The following CMYA5 variants were observed in gnomAD, a reference collection of about 807,000 sequenced individuals.
CMYA5 encodes cardiomyopathy associated 5, also known as cardiomyopathy-associated protein 5.
Under a neutral mutation model 318.9 loss-of-function variants are expected in CMYA5, and 246 were observed. The observed-to-expected ratio is 0.77, with a 90% CI of 0.70 to 0.86. CMYA5 has a LOEUF of 0.86. CMYA5 is among the 40% of genes least tolerant of loss of function. The pLI is 0.00. For missense variants in CMYA5, 4,589 were observed against 4,678.2 expected (o/e 0.98, Z 0.56); for synonymous variants, 1,641 against 1,729.5 (o/e 0.95, Z 1.27).
chr5:79,700,588 G>GA (rs1827155298), intron 1 of CMYA5, among the ~76,000 whole-genome samples: 1 of 152,182 alleles, frequency 6.6e-6, no homozygotes, highest in Admixed American at 6.5e-5. Flanking sequence ...GATGTCCAGT[G>GA]AGCACATGAA....
At position 79,731,590 on chromosome 5, in the gene CMYA5, T is replaced by G. The variant is rs778349144; in HGVS notation, c.2825T>G (p.Ile942Ser). ...MNLSEEDQED[I>S]GPFSPDSAFV... is the part of the protein sequence containing the mutation. Reference sequence around the variant, plus strand: ...TTATCAGAAGAAGATCAAGAAGACATTGGACCTTTTTCTCCAGATTCTGCA... The same window carrying G: ...TTATCAGAAGAAGATCAAGAAGACAGTGGACCTTTTTCTCCAGATTCTGCA... The change falls in exon 2 of 13, where the codon ATT (isoleucine) becomes AGT (serine). Residue 942 changes from isoleucine to serine, a missense_variant. By Grantham distance (142) the Ile-to-Ser change is moderately radical. This residue lies in a region of CMYA5 where 2,132 missense variants were observed against 2,131.3 expected (regional missense o/e 1.00). Coordinates refer to ENST00000446378, the MANE Select transcript of CMYA5 (RefSeq NM_153610.5). The G allele has an allele frequency of 1.6e-4, 261 of 1,613,200 alleles. No homozygotes were observed. Among genetic ancestry groups the G allele is most frequent in the Non-Finnish European group, 2.1e-4 (247 of 1,179,612 alleles).
intron 9 of CMYA5, among the ~76,000 whole-genome samples, chr5:79,768,796 A>G (rs972238861): frequency 1.3e-5 from 2 of 152,070 alleles, no homozygotes; most frequent in East Asian, 1.9e-4. Context: ...CTCAAGGAGT[A>G]TCTTTGTGGT....
intron 8 of CMYA5, 91 bp downstream of exon 8, chr5:79,762,048 C>A: frequency 7.2e-7 from 1 of 1,389,378 alleles, no homozygotes; most frequent in African/African-American, 1.4e-5. Context: ...TATTAAGCAC[C>A]TATTGTGTGT....
At chr5:79,765,533 G>A (rs59020999) in intron 9 of CMYA5, among the ~76,000 whole-genome samples, 1 of 152,106 alleles carries the variant, frequency 6.6e-6, no homozygotes, top group Admixed American at 6.5e-5. Context: ...AAGAAAGTCA[G>A]TGGTAGCTTG....
intron 1 of CMYA5, among the ~76,000 whole-genome samples, chr5:79,692,363 C>A (rs1826984903): frequency 6.6e-6 from 1 of 152,276 alleles, no homozygotes; most frequent in South Asian, 2.1e-4. Flanking sequence ...GTAAACGTTC[C>A]TTTACCCTTT....
In CMYA5 at chr5:79,735,713, A is replaced by T; in HGVS notation, c.6948A>T (p.Glu2316Asp). The change falls in exon 2 of 13, where the codon GAA becomes GAT. Residue 2316 changes from glutamate (E) to aspartate (D), a missense_variant. Around this residue, in one of 3 missense-constraint regions of CMYA5, gnomAD observed 2,431 missense variants for 2,495.1 expected, o/e 0.97. Transcript: ENST00000446378. ...CTTCTGCTGATGGTGAGAACCTTGA[A>T]ATTCAATCTTATTCACTAATCGGTG... ...VVTSADGENL[E>D]IQSYSLIGEK... The T allele has an allele frequency of 6.3e-7, 1 of 1,599,470 alleles. No homozygotes were observed. Among genetic ancestry groups the T allele is most frequent in the Non-Finnish European group, 8.5e-7 (1 of 1,176,208 alleles).
intron 2 of CMYA5, 41 bp downstream of exon 2, chr5:79,739,444 T>C (rs1580778495): frequency 7.8e-7 from 1 of 1,286,338 alleles, no homozygotes; most frequent in South Asian, 2.0e-5. Context: ...AATATATATA[T>C]ACACATTTAA....
Position 79,736,607 on chromosome 5 carries a change from A to C in CMYA5, c.7842A>C (p.Ala2614=). The C allele has an allele frequency of 6.2e-7, 1 of 1,613,886 alleles. No homozygotes were observed. The highest frequency in any genetic ancestry group is 8.5e-7 in the Non-Finnish European group (1 of 1,179,824). ...ACCCAGAAATCAGAGAAGCAAAGGC[A>C]GTAGGAACCCAACCACATCCTTTAG... ...EAHPEIREAK[A]VGTQPHPLEE... Residue 2614 remains alanine, a synonymous_variant, in exon 2 of 13, where the codon GCA becomes GCC. Transcript: ENST00000446378.
chr5:79,799,454 C>G lies in CMYA5; in HGVS notation c.12048C>G (p.Asn4016Lys). ...PARVGILLDY[N>K]NQRLIFINAE... ...GAGTGGGCATCCTGCTGGACTACAA[C>G]AACCAGAGACTTATCTTCATCAACG... The change falls in exon 13 of 13, where the codon AAC becomes AAG. Residue 4016 changes from asparagine to lysine, a missense_variant. Physicochemically the swap from Asn to Lys is moderately conservative, Grantham distance 94. This residue lies in a region of CMYA5 where 2,431 missense variants were observed against 2,495.1 expected (regional missense o/e 0.97). Coordinates refer to ENST00000446378, the MANE Select transcript of CMYA5 (RefSeq NM_153610.5). 6.2e-7 allele frequency: 1 copy of G among 1,614,008 alleles called. No individual in the cohort carries two copies. Among genetic ancestry groups the G allele is most frequent in the Non-Finnish European group, 8.5e-7 (1 of 1,179,888 alleles).
chr5:79,738,903 C>T lies in CMYA5; in HGVS notation c.10138C>T (p.Pro3380Ser), dbSNP rs1828151008. The T allele has an allele frequency of 6.2e-7, 1 of 1,613,720 alleles. No homozygotes were observed. The highest frequency in any genetic ancestry group is 1.3e-5 in the African/African-American group (1 of 74,862). Residue 3380 changes from proline (P) to serine (S), a missense_variant, in exon 2 of 13, where the codon CCG becomes TCG. By Grantham distance (74) the Pro-to-Ser change is moderately conservative (BLOSUM62 -1). Coordinates refer to ENST00000446378, the MANE Select transcript of CMYA5 (RefSeq NM_153610.5). ...GAATGTCCCAGTACAAGTGTCCTTC[C>T]CGGAGGAAGAATTTGCATCTGGTGC... ...NLNVPVQVSF[P>S]EEEFASGATH...
chr5:79,730,626 G>A lies in CMYA5; in HGVS notation c.1861G>A (p.Val621Ile), dbSNP rs199956848. The A allele has an allele frequency of 5.0e-6, 8 of 1,613,904 alleles. No individual in the cohort carries two copies. The highest frequency in any genetic ancestry group is 6.8e-6 in the Non-Finnish European group (8 of 1,179,890). ...QEGEPVPPSNVEAIAEHAVLS... is the reference protein window; with the variant it reads ...QEGEPVPPSNIEAIAEHAVLS... ...AGGTGAGCCAGTTCCCCCATCCAAT[G>A]TAGAAGCTATAGCTGAACATGCAGT... is the stretch of plus-strand genomic sequence containing the variant. Residue 621 changes from valine (V) to isoleucine (I), a missense_variant, in exon 2 of 13, where the codon GTA becomes ATA. Around this residue, in one of 3 missense-constraint regions of CMYA5, gnomAD observed 2,132 missense variants for 2,131.3 expected, o/e 1.00. Coordinates refer to ENST00000446378, the MANE Select transcript of CMYA5 (RefSeq NM_153610.5).
chr5:79,743,991 T>G (rs1828269926), intron 3 of CMYA5, 69 bp downstream of exon 3: 1 of 752,922 alleles, frequency 1.3e-6, no homozygotes, highest in East Asian at 2.9e-5. Context: ...GATTCTGAGG[T>G]GAAGGGATCT....
rs74935252 is a variant in CMYA5, at chr5:79,733,488, A to T, written c.4723A>T (p.Asn1575Tyr). 8.2e-3 allele frequency: 13,249 copies of T among 1,613,872 alleles called. 927 individuals carry two copies. The African/African-American group carries it at 0.15, about 18-fold the overall frequency. ...ETASSSPELE[N>Y]LASGLAPTLL... ...AGCAAGTTCATCTCCTGAGTTGGAA[A>T]ATTTAGCATCAGGTTTAGCCCCAAC... The change falls in exon 2 of 13, where the codon AAT (asparagine) becomes TAT (tyrosine). Residue 1575 changes from asparagine to tyrosine, a missense_variant. This residue lies in a region of CMYA5 where 2,132 missense variants were observed against 2,131.3 expected (regional missense o/e 1.00). Coordinates refer to ENST00000446378, the MANE Select transcript of CMYA5 (RefSeq NM_153610.5).
At chr5:79,793,633 C>T (rs770289778) in intron 12 of CMYA5, 23 bp downstream of exon 12, 16 of 1,577,202 alleles carry the variant, frequency 1.0e-5, no homozygotes, top group Non-Finnish European at 1.3e-5. Flanking sequence ...TTCCCCTCCC[C>T]TCTTCATCAA....
At chr5:79,785,589 A>G (rs190658225) in intron 9 of CMYA5, among the ~76,000 whole-genome samples, 2 of 152,210 alleles carry the variant, frequency 1.3e-5, no homozygotes, top group Non-Finnish European at 2.9e-5. Flanking sequence ...TTATTTGTAT[A>G]TAAAGGCTTT....
At position 79,732,703 on chromosome 5, in the gene CMYA5, C is replaced by A. The variant is rs1269817755; in HGVS notation, c.3938C>A (p.Pro1313His). 6 of 1,613,350 alleles carry A rather than the reference C, an allele frequency of 3.7e-6. No individual in the cohort carries two copies. The part of the protein sequence containing the change: ...MKHDSKITTT[P>H]IVLHSASSGV... ...CATGATTCCAAAATAACAACTACAC[C>A]TATAGTGCTTCATTCAGCTTCCTCA... is the stretch of plus-strand genomic sequence containing the variant. The change falls in exon 2 of 13, where the codon CCT (proline) becomes CAT (histidine). Residue 1313 changes from proline to histidine, a missense_variant. Coordinates refer to ENST00000446378, the MANE Select transcript of CMYA5 (RefSeq NM_153610.5).
rs542164917 is a variant in CMYA5, at chr5:79,708,939, C to G, written c.149+18883C>G. On this transcript the variant is annotated intron_variant, in intron 1 of 12. Transcript: ENST00000446378. ...TCTGGGTGACAGAGCAAGACCCTGT[C>G]TCAATTTTTTTTAAATTTAATTTAA... Among the ~76,000 whole-genome samples the G allele has an allele frequency of 2.6e-5, 4 of 152,244 alleles. No homozygotes were observed. In the East Asian group the frequency reaches 5.8e-4, roughly 22 times the overall value.
At chr5:79,704,042 G>A (rs1270830106) in intron 1 of CMYA5, among the ~76,000 whole-genome samples, 5 of 152,076 alleles carry the variant, frequency 3.3e-5, no homozygotes, top group Non-Finnish European at 4.4e-5. Flanking sequence ...CATGAGCTGC[G>A]ATTGCACCAC....
chr5:79,700,897 C>A (rs1210341831), intron 1 of CMYA5, among the ~76,000 whole-genome samples: 1 of 151,582 alleles, frequency 6.6e-6, no homozygotes, highest in Non-Finnish European at 1.5e-5. Flanking sequence ...TTACTACAGG[C>A]CAGGAAGGGT....
Sources: allele counts gnomAD v4.1 joint callset (sites outside exome capture counted in the v4.1 genomes callset), GRCh38; gene constraint gnomAD v4.1.1; regional missense constraint gnomAD v4.1.1; transcripts MANE v1.5; gene names NCBI Gene and HGNC (gene_info 2026-07-23, HGNC 2026-07-21).